Variants in F10 observed in about 807,000 individuals in gnomAD.
F10 encodes coagulation factor X, also known as Stuart-Prower factor.
Under a neutral mutation model 37.1 loss-of-function variants are expected in F10, and 29 were observed. The observed-to-expected ratio is 0.78, with a 90% CI of 0.58 to 1.07. The LOEUF is 1.07. Ranked by LOEUF, F10 falls within the 50% of genes least tolerant of loss-of-function variation. The probability of loss-of-function intolerance (pLI) is 0.00; values close to 1 mark genes in which losing one functional copy is unlikely to be tolerated. For missense variants in F10, 539 were observed against 667.9 expected (o/e 0.81, Z 2.13); for synonymous variants, 262 against 268.6 (o/e 0.98, Z 0.24).
At chr13:113,131,931 C>T (rs2142255701) in intron 2 of F10, 1 of 152,386 alleles carries the variant, frequency 6.6e-6, no homozygotes. Flanking sequence ...AATGTGTTAC[C>T]ATGTTTCTCA....
At chr13:113,129,735 T>G (rs1326772525) in intron 2 of F10, 123 bp downstream of exon 2, 1 of 1,317,266 alleles carries the variant, frequency 7.6e-7, no homozygotes. Flanking sequence ...GCGAAGGCTT[T>G]CAGGGGCGGG....
intron 1 of F10, among the ~76,000 whole-genome samples, chr13:113,125,511 C>G (rs79326221): frequency 6.6e-6 from 1 of 152,382 alleles, no homozygotes; most frequent in East Asian, 1.9e-4. Flanking sequence ...GTCTACCAAT[C>G]TGGATGCTCC....
Position 113,141,338 on chromosome 13 carries a change from A to G in F10, c.502+288A>G, listed in dbSNP as rs3211773. Among the ~76,000 whole-genome samples the G allele has an allele frequency of 0.046, 7,034 of 152,286 alleles. 223 individuals carry two copies. The highest frequency in any genetic ancestry group is 0.069 in the Non-Finnish European group (4,693 of 68,030). ...ACACTATTGCCTGACTGCTTGGGTG[A>G]TCCCTGGAGCACTTTGCATGATGCC... On this transcript the variant is annotated intron_variant, in intron 5 of 7. Transcript: ENST00000375559. This position sits in a 1 kb window ranked among gnomAD's most constrained non-coding sequence, Gnocchi z 5.4.
intron 2 of F10, chr13:113,130,306 C>G (rs1264149820): frequency 6.4e-6 from 1 of 155,358 alleles, no homozygotes; most frequent in Non-Finnish European, 1.4e-5. Context: ...GCAGCCGCAG[C>G]AGCCCCGCGC....
In F10 at chr13:113,147,759, G is replaced by T. The variant is rs3213007; in HGVS notation, c.865+263G>T. ...CAGGTCTCGGGTCTCCGAGTCTCTG[G>T]GTCCCGGGTCTCTGGGTCTGCATGT... On this transcript the variant is annotated intron_variant, in intron 7 of 7. Transcript: ENST00000375559. Among the ~76,000 whole-genome samples the T allele has an allele frequency of 4.1e-3, 627 of 152,232 alleles. 2 individuals are homozygous for T. The highest frequency in any genetic ancestry group is 6.9e-3 in the Non-Finnish European group (466 of 68,012).
intron 2 of F10, chr13:113,132,130 T>G (rs1202472451): frequency 6.6e-6 from 1 of 152,268 alleles, no homozygotes; most frequent in African/African-American, 2.4e-5. Context: ...ACTCTAATTC[T>G]TAATTAAATT....
intron 6 of F10, among the ~76,000 whole-genome samples, chr13:113,145,693 A>G (rs542384249): frequency 2.0e-5 from 3 of 152,332 alleles, no homozygotes; most frequent in African/African-American, 7.2e-5. Context: ...TCACGGTGGA[A>G]GGCGCAAGGC....
intron 7 of F10, among the ~76,000 whole-genome samples, chr13:113,148,341 A>G (rs549300310): frequency 9.7e-6 from 1 of 103,458 alleles, no homozygotes; most frequent in Non-Finnish European, 1.8e-5. Context: ...AAAAAAAAAA[A>G]AAAAATATAT....
Position 113,139,419 on chromosome 13 carries a change from G to A in F10, c.319G>A (p.Glu107Lys). Residue 107 changes from glutamate to lysine, a missense_variant, in exon 4 of 8, where the codon GAA becomes AAA. By Grantham distance (56) the Glu-to-Lys change is moderately conservative. Transcript: ENST00000375559. The surrounding 1 kb of genome is among the most constrained non-coding windows in gnomAD (Gnocchi z 5.2). ...GGGCAAATGTAAAGACGGCCTCGGG[G>A]AATACACCTGCACCTGTTTAGAAGG... ...NQGKCKDGLG[E>K]YTCTCLEGFE... 6.2e-7 allele frequency: 1 copy of A among 1,613,952 alleles called. No individual in the cohort carries two copies.
At chr13:113,127,765 A>G (rs2036384096) in intron 1 of F10, among the ~76,000 whole-genome samples, 1 of 152,228 alleles carries the variant, frequency 6.6e-6, no homozygotes, top group Admixed American at 6.5e-5. Flanking sequence ...CTGGCACTTC[A>G]TAAATTGTAC....
rs1459400175 is a variant in F10 at position 113,144,978 on chromosome 13, A to G, written c.747+883A>G. On this transcript the variant is annotated intron_variant, in intron 6 of 7. Transcript: ENST00000375559. The surrounding 1 kb of genome is among the most constrained non-coding windows in gnomAD (Gnocchi z 6.4). ...ACTGCAACCTCCACCTCCCAGGTTC[A>G]TGTCATTCTCCTGCTTCAGCCTCCC... 6.6e-6 allele frequency among the ~76,000 whole-genome samples: 1 copy of G among 151,966 alleles called. No individual in the cohort carries two copies. The highest frequency in any genetic ancestry group is 1.9e-4 in the East Asian group (1 of 5,176).
chr13:113,145,513 T>C (rs3211790), intron 6 of F10, among the ~76,000 whole-genome samples: 1,567 of 151,700 alleles, frequency 0.01, 27 homozygotes, highest in African/African-American at 0.033. Flanking sequence ...AAGTATCGCA[T>C]GAAGCATACA....
At chr13:113,126,693 G>T (rs985397645) in intron 1 of F10, among the ~76,000 whole-genome samples, 1 of 152,326 alleles carries the variant, frequency 6.6e-6, no homozygotes, top group South Asian at 2.1e-4. Flanking sequence ...ATGGAGGTGC[G>T]TCAGAACACC....
Position 113,142,743 on chromosome 13 carries a change from T to C in F10, c.503-1108T>C, listed in dbSNP as rs1381914346. 2.4e-5 allele frequency among the ~76,000 whole-genome samples: 3 copies of C among 123,610 alleles called. 1 individual carries two copies. Among genetic ancestry groups the C allele is most frequent in the Non-Finnish European group, 1.9e-5 (1 of 53,132 alleles). 81.1% of individuals were successfully genotyped at this position (123,610 alleles called of 152,430 possible). A position where few individuals can be genotyped will look rare whatever the true frequency, so the allele number is the denominator to read the frequency against. Reference sequence around the variant, plus strand: ...GAGTTCAAGACCAGCCTGGCCAACATGGTGAAACCCTGTCTCTATAAAAAA... The same window carrying C: ...GAGTTCAAGACCAGCCTGGCCAACACGGTGAAACCCTGTCTCTATAAAAAA... On this transcript the variant is annotated intron_variant, in intron 5 of 7. Transcript: ENST00000375559.
intron 2 of F10, among the ~76,000 whole-genome samples, chr13:113,137,827 T>C (rs1161596253): frequency 6.6e-6 from 1 of 152,224 alleles, no homozygotes; most frequent in Admixed American, 6.5e-5. Flanking sequence ...CTCCTTTATT[T>C]AGGGCCCACA....
intron 7 of F10, among the ~76,000 whole-genome samples, 184 bp from the exon 8 acceptor site, chr13:113,148,732 G>A (rs2036608737): frequency 6.6e-6 from 1 of 152,144 alleles, no homozygotes; most frequent in African/African-American, 2.4e-5. Context: ...GTGGTTCCCT[G>A]GGCAGCAAGG....
chr13:113,123,259 A>G (rs922592373), intron 1 of F10, among the ~76,000 whole-genome samples: 1 of 152,162 alleles, frequency 6.6e-6, no homozygotes, highest in Admixed American at 6.5e-5. Flanking sequence ...AAAGACGGAG[A>G]CAGAGAGAGA....
At chr13:113,134,445 C>T (rs942011268) in intron 2 of F10, among the ~76,000 whole-genome samples, 3 of 152,110 alleles carry the variant, frequency 2.0e-5, no homozygotes, top group African/African-American at 4.8e-5. Context: ...CTTCACATGG[C>T]TGTAGGAGGG....
intron 2 of F10, chr13:113,130,069 G>C: frequency 3.3e-6 from 1 of 305,452 alleles, no homozygotes; most frequent in South Asian, 3.0e-5. Context: ...CACAACTGAC[G>C]CCAGGCCACG....
Sources: allele counts gnomAD v4.1 joint callset (sites outside exome capture counted in the v4.1 genomes callset), GRCh38; gene constraint gnomAD v4.1.1; non-coding constraint Gnocchi (gnomAD v3.1); transcripts MANE v1.5; gene names NCBI Gene and HGNC (gene_info 2026-07-23, HGNC 2026-07-21).